Variants in VDAC1 observed in about 807,000 individuals in gnomAD.
The protein encoded by VDAC1 is voltage dependent anion channel 1.
VDAC1 carries 10 observed loss-of-function variants against 34.7 expected under a neutral mutation model. The observed-to-expected ratio is 0.29, with a 90% CI of 0.18 to 0.49. The LOEUF is 0.49. VDAC1 is among the 20% of genes least tolerant of loss of function. The pLI is 0.99. For missense variants in VDAC1, 230 were observed against 347.9 expected, an observed-to-expected ratio of 0.66 and a Z score of 2.69; for synonymous variants, 130 against 136.0, an observed-to-expected ratio of 0.96 and a Z score of 0.30.
chr5:134,042,232 A>G, the VDAC1 span, among the ~76,000 whole-genome samples: 2 of 152,128 alleles, frequency 1.3e-5, no homozygotes, highest in African/African-American at 2.4e-5. Context: ...ACGCTCACTC[A>G]TCCTGGGCAC....
At chr5:134,026,839 T>C in the VDAC1 span, among the ~76,000 whole-genome samples, 2 of 152,254 alleles carry the variant, frequency 1.3e-5, no homozygotes, top group East Asian at 3.8e-4. Flanking sequence ...GATTTTCCCC[T>C]GTGTGAAACT....
chr5:134,106,451 A>T, the VDAC1 span, among the ~76,000 whole-genome samples: 1 of 144,242 alleles, frequency 6.9e-6, no homozygotes, highest in African/African-American at 2.6e-5. Flanking sequence ...CCTGTCACCC[A>T]GGCTGGAGTG....
At position 133,991,089 on chromosome 5, in the gene VDAC1, C is replaced by G. The variant is rs149088448; in HGVS notation, c.183G>C (p.Lys61Asn). Residue 61 changes from lysine (K) to asparagine (N), a missense_variant, in exon 4 of 9, where the codon AAG becomes AAC. By Grantham distance (94) the Lys-to-Asn change is moderately conservative. Transcript: ENST00000265333. ...TCAGGCCGTACTCAGTCCATCTGTACTTGGTTTCCAGACTGCCCGTCACTT... is the reference window on the plus strand; with the variant it reads ...TCAGGCCGTACTCAGTCCATCTGTAGTTGGTTTCCAGACTGCCCGTCACTT... ...TTKVTGSLET[K>N]YRWTEYGLTF... 191 of 1,613,918 alleles carry G rather than the reference C, an allele frequency of 1.2e-4. No homozygotes were observed. Among genetic ancestry groups the G allele is most frequent in the Non-Finnish European group, 2.4e-5 (28 of 1,180,060 alleles).
intron 1 of VDAC1, among the ~76,000 whole-genome samples, chr5:134,000,557 G>A (rs896141699): frequency 6.6e-6 from 1 of 152,178 alleles, no homozygotes; most frequent in African/African-American, 2.4e-5. Flanking sequence ...GCTTGACCAG[G>A]TAGGGTTGAG....
At chr5:134,050,994 C>A in the VDAC1 span, among the ~76,000 whole-genome samples, 1 of 152,196 alleles carries the variant, frequency 6.6e-6, no homozygotes, top group African/African-American at 2.4e-5. Flanking sequence ...GGAGAGTTGG[C>A]AGTGTATTAG....
At chr5:133,998,940 G>A (rs966140605) in intron 1 of VDAC1, among the ~76,000 whole-genome samples, 46 of 152,262 alleles carry the variant, frequency 3.0e-4, no homozygotes, top group African/African-American at 9.9e-4. Flanking sequence ...AGCTCAGGGC[G>A]GTTCCTGCAC....
At chr5:134,101,266 C>G in the VDAC1 span, among the ~76,000 whole-genome samples, 1 of 152,158 alleles carries the variant, frequency 6.6e-6, no homozygotes, top group Non-Finnish European at 1.5e-5. Context: ...CCCTAATTCT[C>G]TCACCTAGAA....
the VDAC1 span, among the ~76,000 whole-genome samples, chr5:134,056,056 T>C: frequency 6.6e-6 from 1 of 151,932 alleles, no homozygotes; most frequent in Middle Eastern, 3.4e-3. Context: ...CTGGCCAATA[T>C]GGTGAAACCC....
chr5:134,086,239 G>T, the VDAC1 span, among the ~76,000 whole-genome samples: 1 of 152,192 alleles, frequency 6.6e-6, no homozygotes, highest in Non-Finnish European at 1.5e-5. Flanking sequence ...AATGGGAGAT[G>T]ATAGACATGA....
At chr5:133,984,400 C>A (rs1752823904) in intron 5 of VDAC1, among the ~76,000 whole-genome samples, 1 of 146,056 alleles carries the variant, frequency 6.8e-6, no homozygotes, top group African/African-American at 2.6e-5. Flanking sequence ...AGACTATAGG[C>A]GCTCACCACA....
the VDAC1 span, among the ~76,000 whole-genome samples, chr5:134,014,404 G>A: frequency 3.3e-5 from 5 of 152,272 alleles, no homozygotes; most frequent in South Asian, 2.1e-4. Flanking sequence ...ACCTCACGCC[G>A]GTCAGAATGG....
At chr5:134,003,053 T>C (rs1378925369) in intron 1 of VDAC1, among the ~76,000 whole-genome samples, 1 of 151,704 alleles carries the variant, frequency 6.6e-6, no homozygotes, top group Non-Finnish European at 1.5e-5. Context: ...AAATACTCAA[T>C]AAGCACCTAC....
chr5:134,103,357 A>T, the VDAC1 span, among the ~76,000 whole-genome samples: 1 of 152,160 alleles, frequency 6.6e-6, no homozygotes, highest in Admixed American at 6.5e-5. Flanking sequence ...CCTGGGCTCC[A>T]AGTGATCCGG....
chr5:134,089,761 G>A, the VDAC1 span, among the ~76,000 whole-genome samples: 5 of 152,084 alleles, frequency 3.3e-5, no homozygotes, highest in East Asian at 3.9e-4. Context: ...AGGCCAAGGC[G>A]GGTGGATCAC....
At chr5:134,022,173 C>G in the VDAC1 span, among the ~76,000 whole-genome samples, 1 of 152,148 alleles carries the variant, frequency 6.6e-6, no homozygotes, top group African/African-American at 2.4e-5. Context: ...GCCACTGTGC[C>G]CAGCTGAAAG....
chr5:134,023,007 A>G, the VDAC1 span, among the ~76,000 whole-genome samples: 1 of 152,212 alleles, frequency 6.6e-6, no homozygotes, highest in Non-Finnish European at 1.5e-5. Flanking sequence ...TCATTCTACT[A>G]TAAAGACACA....
chr5:134,036,311 C>T, the VDAC1 span, among the ~76,000 whole-genome samples: 1 of 152,076 alleles, frequency 6.6e-6, no homozygotes, highest in Non-Finnish European at 1.5e-5. Flanking sequence ...CACGTCACTG[C>T]TGTGGTATTT....
chr5:134,099,562 T>C, the VDAC1 span, among the ~76,000 whole-genome samples: 2,532 of 152,270 alleles, frequency 0.017, 67 homozygotes, highest in African/African-American at 0.057. Context: ...CTTTCTCACC[T>C]TTCTCAACCA....
chr5:133,980,646 A>AAAC, intron 6 of VDAC1, 83 bp downstream of exon 6: 1 of 1,031,700 alleles, frequency 9.7e-7, no homozygotes, highest in Non-Finnish European at 1.4e-6. Flanking sequence ...AAAAAAAAAA[A>AAAC]AAAAAAACAG....
Sources: gnomAD v4.1 joint callset for allele counts (sites outside exome capture counted in the v4.1 genomes callset) on GRCh38, gnomAD v4.1.1 for gene constraint, MANE v1.5 for transcripts, NCBI Gene and HGNC (gene_info 2026-07-23, HGNC 2026-07-21) for gene names.